POLQ: variants seen among roughly 807,000 people sequenced by gnomAD.
POLQ encodes the protein DNA polymerase theta.
POLQ carries 233 observed loss-of-function variants against 259.2 expected under a neutral mutation model. That is an observed-to-expected ratio of 0.90 (90% confidence interval 0.81 to 1.00). The LOEUF is 1.00. POLQ is among the 50% of genes least tolerant of loss of function. POLQ has a pLI of 0.00. For missense variants in POLQ, 2,871 were observed against 3,051.6 expected, an observed-to-expected ratio of 0.94 and a Z score of 1.39; for synonymous variants, 1,025 against 1,048.8, an observed-to-expected ratio of 0.98 and a Z score of 0.44.
Position 121,456,585 on chromosome 3 carries a change from A to C in POLQ, c.7152+3465T>G, listed in dbSNP as rs1481870309. ...AAAATCACAAGCATTCTTATACACC[A>C]ATAACAGACAAACAGAGAGCCAAAT... On this transcript the variant is annotated intron_variant, in intron 25 of 29. Transcript: ENST00000264233. 2.6e-5 allele frequency among the ~76,000 whole-genome samples: 4 copies of C among 152,032 alleles called. No homozygotes were observed. In the South Asian group the frequency reaches 6.2e-4, roughly 24 times the overall value.
rs940790066 is a variant in POLQ, at chr3:121,489,485, T to A, written c.3446A>T (p.Gln1149Leu). The change falls in exon 16 of 30, where the codon CAG becomes CTG. Residue 1149 changes from glutamine (Q) to leucine (L), a missense_variant. Physicochemically the swap from Gln to Leu is moderately radical, Grantham distance 113. Coordinates refer to ENST00000264233, the MANE Select transcript of POLQ (RefSeq NM_199420.4). ...CTTTTCACTAACCACACTAGTGGCC[T>A]GACAAGTCACATTTTTACTCTGAGA... ...TGSQSKNVTCQATSVVSEKGR... is the reference protein window; with the variant it reads ...TGSQSKNVTCLATSVVSEKGR... 1 of 1,613,980 alleles carries A rather than the reference T, an allele frequency of 6.2e-7. No individual in the cohort carries two copies.
chr3:121,521,780 A>G, intron 8 of POLQ: 1 of 257,462 alleles, frequency 3.9e-6, no homozygotes, highest in Non-Finnish European at 7.3e-6. Context: ...CATGTTGGCC[A>G]GGCTGGTCTT....
Position 121,510,209 on chromosome 3 carries a change from T to A in POLQ, c.1646A>T (p.Asp549Val), listed in dbSNP as rs745886466. The A allele has an allele frequency of 1.2e-6, 2 of 1,613,266 alleles. No homozygotes were observed. The highest frequency in any genetic ancestry group is 1.1e-5 in the South Asian group (1 of 91,062). The change falls in exon 11 of 30, where the codon GAT becomes GTT. Residue 549 changes from aspartate to valine, a missense_variant. Physicochemically the swap from Asp to Val is radical, Grantham distance 152. Around this residue, in one of 3 missense-constraint regions of POLQ, gnomAD observed 783 missense variants for 906.2 expected, o/e 0.86. Transcript: ENST00000264233. ...IVGGVASTSQ[D>V]MHTYAACTFL... ...TGTGCAGGCAGCATAAGTATGCATATCTTGTGATGTACTTGCCACTCCACC... is the reference window on the plus strand; with the variant it reads ...TGTGCAGGCAGCATAAGTATGCATAACTTGTGATGTACTTGCCACTCCACC...
chr3:121,463,291 T>C (rs753340465), intron 24 of POLQ, among the ~76,000 whole-genome samples: 5 of 152,178 alleles, frequency 3.3e-5, no homozygotes, highest in Non-Finnish European at 7.4e-5. Context: ...CCAGCCACCA[T>C]ATAAGATGTC....
intron 14 of POLQ, 92 bp from the exon 15 acceptor site, chr3:121,493,813 T>C: frequency 8.1e-7 from 1 of 1,236,264 alleles, no homozygotes; most frequent in African/African-American, 1.5e-5. Context: ...CTTTTGTTTT[T>C]TCCCTGCAAA....
Position 121,489,329 on chromosome 3 carries a change from T to G in POLQ, c.3602A>C (p.His1201Pro). The change falls in exon 16 of 30, where the codon CAT becomes CCT. Residue 1201 changes from histidine (H) to proline (P), a missense_variant. Transcript: ENST00000264233. The stretch of plus-strand genomic sequence containing the variant: ...TTTGGTAATAGTGCTTGTCTGTTCA[T>G]GAGATTGCTTTCGCAGGTACTGGTT... The part of the protein sequence containing the change: ...PINQYLRKQS[H>P]EQTSTITKQK... The G allele has an allele frequency of 3.1e-6, 5 of 1,612,910 alleles. No homozygotes were observed. Among genetic ancestry groups the G allele is most frequent in the Non-Finnish European group, 3.4e-6 (4 of 1,179,288 alleles).
At chr3:121,467,765 G>T in intron 23 of POLQ, 125 bp from the exon 24 acceptor site, 1 of 958,598 alleles carries the variant, frequency 1.0e-6, no homozygotes, top group Non-Finnish European at 1.6e-6. Flanking sequence ...TGAGGGCTGG[G>T]TGTGGTAGCT....
intron 2 of POLQ, 56 bp downstream of exon 2, chr3:121,544,671 G>A (rs138691316): frequency 8.7e-6 from 10 of 1,147,250 alleles, no homozygotes; most frequent in African/African-American, 3.1e-5. Context: ...CCTCAATAGA[G>A]TATTCTTTAC....
intron 28 of POLQ, among the ~76,000 whole-genome samples, chr3:121,434,667 A>T (rs909486010): frequency 1.3e-5 from 2 of 152,234 alleles, no homozygotes; most frequent in Non-Finnish European, 2.9e-5. Context: ...AACTTTTGTT[A>T]TCTACGTATT....
intron 9 of POLQ, among the ~76,000 whole-genome samples, chr3:121,514,022 CAAAAAAAAAAAAA>C (rs1185320178): frequency 3.6e-5 from 1 of 27,658 alleles, no homozygotes; most frequent in Non-Finnish European, 7.6e-5. Flanking sequence ...AACTCCATCT[CAAAAAAAAAAAAA>C]AAAAAAAAAG....
chr3:121,509,978 G>T, intron 11 of POLQ, 61 bp downstream of exon 11: 1 of 1,293,268 alleles, frequency 7.7e-7, no homozygotes, highest in Non-Finnish European at 1.1e-6. Flanking sequence ...TCACTGAGCA[G>T]TCATACAACC....
intron 25 of POLQ, among the ~76,000 whole-genome samples, chr3:121,452,588 A>C (rs1170749177): frequency 6.6e-6 from 1 of 151,822 alleles, no homozygotes; most frequent in African/African-American, 2.4e-5. Context: ...CACAAACAAA[A>C]ACTGGTATAG....
At chr3:121,443,233 T>C (rs1372337276) in intron 26 of POLQ, among the ~76,000 whole-genome samples, 1 of 152,234 alleles carries the variant, frequency 6.6e-6, no homozygotes, top group Non-Finnish European at 1.5e-5. Flanking sequence ...AGGTGAATGA[T>C]GGTTCCTTTT....
intron 6 of POLQ, among the ~76,000 whole-genome samples, chr3:121,532,216 A>G (rs1488556096): frequency 1.3e-5 from 2 of 152,202 alleles, no homozygotes; most frequent in African/African-American, 4.8e-5. Flanking sequence ...TGATTCAACT[A>G]CTATCTCAGC....
chr3:121,454,826 GA>G (rs1243702926), intron 25 of POLQ, among the ~76,000 whole-genome samples: 1 of 152,064 alleles, frequency 6.6e-6, no homozygotes, highest in South Asian at 2.1e-4. Context: ...AGATCAACGA[GA>G]CAGAAAGTTA....
chr3:121,505,389 T>C (rs978021042), intron 12 of POLQ, among the ~76,000 whole-genome samples: 1 of 152,174 alleles, frequency 6.6e-6, no homozygotes, highest in African/African-American at 2.4e-5. Context: ...CCAAAAAGAA[T>C]AGCTATGAAC....
At chr3:121,501,452 G>T (rs1576418904) in intron 12 of POLQ, among the ~76,000 whole-genome samples, 1 of 149,732 alleles carries the variant, frequency 6.7e-6, no homozygotes, top group Non-Finnish European at 1.5e-5. Flanking sequence ...GAGGTCAGGA[G>T]ATCGAGACCA....
At chr3:121,507,113 T>A (rs935296569) in intron 12 of POLQ, among the ~76,000 whole-genome samples, 1 of 152,160 alleles carries the variant, frequency 6.6e-6, no homozygotes, top group East Asian at 1.9e-4. Context: ...CAGTCATCTA[T>A]GAAAGGTAGG....
intron 22 of POLQ, among the ~76,000 whole-genome samples, chr3:121,470,741 G>T (rs1386301130): frequency 6.6e-6 from 1 of 152,124 alleles, no homozygotes; most frequent in African/African-American, 2.4e-5. Flanking sequence ...CTTCCAAGTG[G>T]CTGGGACTAC....
Sources: allele counts gnomAD v4.1 joint callset (sites outside exome capture counted in the v4.1 genomes callset), GRCh38; gene constraint gnomAD v4.1.1; regional missense constraint gnomAD v4.1.1; transcripts MANE v1.5; gene names NCBI Gene and HGNC (gene_info 2026-07-23, HGNC 2026-07-21).